Variants in NEDD9 observed in about 807,000 individuals in gnomAD.
NEDD9 encodes the protein neural precursor cell expressed, developmentally down-regulated 9, also known as enhancer of filamentation 1.
NEDD9 carries 26 observed loss-of-function variants against 76.6 expected under a neutral mutation model. The ratio of observed to expected loss-of-function variants is 0.34; its 90% CI spans 0.25 to 0.47. NEDD9 has a LOEUF of 0.47. NEDD9 is among the 20% of genes least tolerant of loss of function. NEDD9 has a pLI of 1.00. For synonymous variants in NEDD9, 392 were observed against 414.2 expected (o/e 0.95, Z 0.65); for missense variants, 937 against 1,058.5 (o/e 0.89, Z 1.59).
chr6:11,333,239 A>G (rs1762086321), intron 2 of NEDD9, among the ~76,000 whole-genome samples: 1 of 152,204 alleles, frequency 6.6e-6, no homozygotes, highest in South Asian at 2.1e-4. Flanking sequence ...AACATCTTTC[A>G]GTTCCCAATC....
intron 3 of NEDD9, among the ~76,000 whole-genome samples, chr6:11,278,206 G>C (rs1185097678): frequency 6.6e-6 from 1 of 152,066 alleles, no homozygotes; most frequent in African/African-American, 2.4e-5. Context: ...CTTGAATTGC[G>C]CTCTTTTCCC....
chr6:11,373,769 C>G (rs1238319524), intron 1 of NEDD9, among the ~76,000 whole-genome samples: 3 of 152,212 alleles, frequency 2.0e-5, no homozygotes, highest in African/African-American at 7.2e-5. Context: ...CTGGATGTCA[C>G]TGCAAAGCTA....
At position 11,317,795 on chromosome 6, in the gene NEDD9, G is replaced by A. The variant is rs367635834; in HGVS notation, c.-152-11640C>T. Among the ~76,000 whole-genome samples, 44 of 152,254 alleles carry A rather than the reference G, an allele frequency of 2.9e-4. No homozygotes were observed. In the South Asian group the frequency reaches 7.0e-3, roughly 24 times the overall value. On this transcript the variant is annotated intron_variant, in intron 2 of 3. Transcript: ENST00000397378. ...GCACACGTGATAGTTAATTCTATGC[G>A]TCCACCTGACTAGGCCACAGGATGT...
intron 1 of NEDD9, among the ~76,000 whole-genome samples, chr6:11,224,531 T>C (rs777753785): frequency 3.3e-5 from 5 of 152,032 alleles, no homozygotes; most frequent in Non-Finnish European, 7.4e-5. Context: ...GCTGTGGTAG[T>C]GCGACTGTAC....
intron 3 of NEDD9, among the ~76,000 whole-genome samples, chr6:11,296,660 CT>C (rs1760896055): frequency 3.3e-5 from 4 of 123,072 alleles, no homozygotes; most frequent in African/African-American, 1.3e-4. Flanking sequence ...CCTTCCTTTC[CT>C]TTCCTTTCCT....
At chr6:11,286,784 G>C (rs187981974) in intron 3 of NEDD9, among the ~76,000 whole-genome samples, 13 of 152,352 alleles carry the variant, frequency 8.5e-5, no homozygotes, top group Admixed American at 3.3e-4. Flanking sequence ...TATAGTGACA[G>C]AAAGCAGATT....
At chr6:11,232,688 A>T (rs1759520676), upstream of NEDD9, 1 of 1,465,288 alleles carries the variant, frequency 6.8e-7, no homozygotes. Flanking sequence ...GTTGTGACTG[A>T]GGCAGGCTGA....
At chr6:11,343,566 C>G (rs1040220128) in intron 1 of NEDD9, among the ~76,000 whole-genome samples, 2 of 152,166 alleles carry the variant, frequency 1.3e-5, no homozygotes, top group African/African-American at 4.8e-5. Flanking sequence ...TATATTACCT[C>G]CTAGAATGTA....
intron 2 of NEDD9, among the ~76,000 whole-genome samples, chr6:11,319,526 TCACACTAACATGCGGA>T (rs1407831428): frequency 8.4e-6 from 1 of 118,908 alleles, no homozygotes; most frequent in South Asian, 2.5e-4. Flanking sequence ...ACATGCACAC[TCACACTAACATGCGGA>T]CACACACTAA....
intron 3 of NEDD9, among the ~76,000 whole-genome samples, chr6:11,290,946 TA>T (rs1376794667): frequency 2.0e-5 from 3 of 152,126 alleles, no homozygotes; most frequent in African/African-American, 7.2e-5. Flanking sequence ...GGAAGTGATG[TA>T]CTCTGCTTTC....
rs774864861 is a variant in NEDD9 at position 11,252,156 on chromosome 6, T to C, written c.13-38429A>G. On this transcript the variant is annotated intron_variant, in intron 3 of 3. Transcript: ENST00000397378. This position sits in a 1 kb window ranked among gnomAD's most constrained non-coding sequence, Gnocchi z 4.3. ...GCGCTGTAGTGCTCTCTCAGCCAGA[T>C]CTTCATTTCATGTCTGTCCTGGGGC... Among the ~76,000 whole-genome samples, 1 of 152,192 alleles carries C rather than the reference T, an allele frequency of 6.6e-6. No homozygotes were observed. Among genetic ancestry groups the C allele is most frequent in the Non-Finnish European group, 1.5e-5 (1 of 68,028 alleles).
chr6:11,190,126 G>A lies in NEDD9; in HGVS notation c.1743C>T (p.His581=), dbSNP rs143967808. Residue 581 remains histidine, a synonymous_variant, in exon 5 of 7, where the codon CAC becomes CAT. Coordinates refer to ENST00000379446, the MANE Select transcript of NEDD9 (RefSeq NM_006403.4). The surrounding 1 kb of genome is among the most constrained non-coding windows in gnomAD (Gnocchi z 5.8). The part of the protein sequence containing the change: ...ESIMNSTEYP[H]GGSQGQLLHP... ...GCAGCAGCTGTCCCTGGGAGCCACC[G>A]TGTGGGTACTCCGTTGAGTTCATGA... is the stretch of plus-strand genomic sequence containing the variant. The A allele has an allele frequency of 1.6e-3, 2,654 of 1,613,398 alleles. 13 individuals are homozygous for A. The Middle Eastern group carries it at 0.017, about 10-fold the overall frequency.
chr6:11,300,740 A>T (rs1440445783), intron 3 of NEDD9, among the ~76,000 whole-genome samples: 2 of 152,358 alleles, frequency 1.3e-5, no homozygotes, highest in Admixed American at 6.5e-5. Flanking sequence ...TTTTCAACCC[A>T]GAATCTCATA....
At chr6:11,242,154 C>T (rs1030435099) in intron 3 of NEDD9, among the ~76,000 whole-genome samples, 6 of 152,148 alleles carry the variant, frequency 3.9e-5, no homozygotes, top group African/African-American at 1.4e-4. Context: ...ACGGAGCATT[C>T]CTTTCTGCCC....
At chr6:11,293,635 C>T (rs1402121839) in intron 3 of NEDD9, among the ~76,000 whole-genome samples, 4 of 149,136 alleles carry the variant, frequency 2.7e-5, no homozygotes, top group African/African-American at 7.4e-5. Context: ...TGTGTGTGTG[C>T]GTGTTGAGAA....
At chr6:11,305,509 T>C (rs890835322) in intron 3 of NEDD9, among the ~76,000 whole-genome samples, 1 of 152,214 alleles carries the variant, frequency 6.6e-6, no homozygotes, top group South Asian at 2.1e-4. Context: ...CTTGGTTAGA[T>C]AGAAAAATTG....
intron 1 of NEDD9, among the ~76,000 whole-genome samples, chr6:11,335,752 T>G (rs34350240): frequency 1.3e-5 from 2 of 152,092 alleles, no homozygotes; most frequent in East Asian, 1.9e-4. Flanking sequence ...TTGATAGTAA[T>G]TGTTCCTATT....
At chr6:11,243,279 T>G (rs1581979822) in intron 3 of NEDD9, among the ~76,000 whole-genome samples, 1 of 152,194 alleles carries the variant, frequency 6.6e-6, no homozygotes, top group East Asian at 1.9e-4. Flanking sequence ...ATAGGAGTAG[T>G]GTTGAAATTA....
chr6:11,260,131 G>A (rs1760079705), intron 3 of NEDD9, among the ~76,000 whole-genome samples: 1 of 152,070 alleles, frequency 6.6e-6, no homozygotes, highest in South Asian at 2.1e-4. Context: ...TTACATTATA[G>A]AAATAATTGT....
Sources: gnomAD v4.1 joint callset for allele counts (sites outside exome capture counted in the v4.1 genomes callset) on GRCh38, gnomAD v4.1.1 for gene constraint, Gnocchi (gnomAD v3.1) non-coding constraint, MANE v1.5 for transcripts, NCBI Gene and HGNC (gene_info 2026-07-23, HGNC 2026-07-21) for gene names.